CFAP299: variants seen among roughly 807,000 people sequenced by gnomAD.
CFAP299 encodes cilia and flagella associated protein 299.
CFAP299 carries 21 observed loss-of-function variants against 27.0 expected under a neutral mutation model. The observed-to-expected ratio is 0.78, with a 90% confidence interval of 0.55 to 1.12. CFAP299 has a LOEUF of 1.12. Ranked by LOEUF, CFAP299 falls within the 50% of genes most tolerant of loss-of-function variation. CFAP299 has a pLI of 0.00. For missense variants in CFAP299, 310 were observed against 276.6 expected (o/e 1.12, Z -0.86); for synonymous variants, 104 against 98.1 (o/e 1.06, Z -0.36).
intron 4 of CFAP299, among the ~76,000 whole-genome samples, chr4:80,898,556 A>G (rs372765940): frequency 6.6e-6 from 1 of 151,998 alleles, no homozygotes; most frequent in African/African-American, 2.4e-5. Flanking sequence ...ATTTTGGGCC[A>G]TGATATCAGG....
chr4:80,803,922 T>G (rs914607281), intron 3 of CFAP299, among the ~76,000 whole-genome samples: 1 of 151,948 alleles, frequency 6.6e-6, no homozygotes, highest in African/African-American at 2.4e-5. Flanking sequence ...GAACAGAAAT[T>G]TATACCTTAA....
At chr4:80,831,762 TACTACCCA>T (rs992785843) in intron 3 of CFAP299, among the ~76,000 whole-genome samples, 68 of 152,300 alleles carry the variant, frequency 4.5e-4, no homozygotes, top group African/African-American at 1.6e-3. Flanking sequence ...ATACAACTGA[TACTACCCA>T]TTGGGGACAT....
intron 3 of CFAP299, among the ~76,000 whole-genome samples, chr4:80,693,559 G>T (rs528964258): frequency 8.1e-6 from 1 of 123,476 alleles, no homozygotes; most frequent in Non-Finnish European, 1.7e-5. Flanking sequence ...GGGTGGGGGA[G>T]GGGGGAGGGA....
chr4:80,620,310 TGTATAACTTTTTATGG>T (rs1464566530), intron 3 of CFAP299, among the ~76,000 whole-genome samples: 4 of 152,120 alleles, frequency 2.6e-5, no homozygotes, highest in African/African-American at 9.6e-5. Flanking sequence ...CATTATACCA[TGTATAACTTTTTATGG>T]GTAGCAAATC....
At chr4:80,410,535 T>C (rs1393954292) in intron 2 of CFAP299, among the ~76,000 whole-genome samples, 1 of 152,090 alleles carries the variant, frequency 6.6e-6, no homozygotes, top group African/African-American at 2.4e-5. Context: ...GTATCTCTGA[T>C]CTCCTCCTAA....
At chr4:80,788,010 A>G (rs1727343770) in intron 3 of CFAP299, among the ~76,000 whole-genome samples, 2 of 152,058 alleles carry the variant, frequency 1.3e-5, no homozygotes, top group Non-Finnish European at 2.9e-5. Context: ...ACTAAAATAC[A>G]GATTCCTGCG....
intron 2 of CFAP299, among the ~76,000 whole-genome samples, chr4:80,433,476 T>C (rs1727920998): frequency 6.6e-6 from 1 of 152,170 alleles, no homozygotes; most frequent in African/African-American, 2.4e-5. Context: ...AGTTCTGCTT[T>C]TCTCAGTTTC....
intron 3 of CFAP299, among the ~76,000 whole-genome samples, chr4:80,656,139 T>C (rs1015991647): frequency 1.3e-5 from 2 of 152,140 alleles, no homozygotes; most frequent in African/African-American, 4.8e-5. Flanking sequence ...TTTTAAGTCA[T>C]TTAAAAATTG....
chr4:80,799,763 A>ATATATTATATGATATATATATTATATAT (rs1161444528), intron 3 of CFAP299, among the ~76,000 whole-genome samples: 7 of 47,092 alleles, frequency 1.5e-4, no homozygotes, highest in African/African-American at 6.1e-4. Context: ...TAATATATAA[A>ATATATTATATGATATATATATTATATAT]TATATTATAT....
At chr4:80,597,555 C>T (rs2109895497) in intron 3 of CFAP299, among the ~76,000 whole-genome samples, 1 of 152,222 alleles carries the variant, frequency 6.6e-6, no homozygotes, top group East Asian at 1.9e-4. Flanking sequence ...TTAATCTTTT[C>T]CTTTATTGCT....
chr4:80,491,576 G>T (rs1731135235), intron 2 of CFAP299, among the ~76,000 whole-genome samples: 2 of 151,786 alleles, frequency 1.3e-5, no homozygotes, highest in African/African-American at 2.4e-5. Flanking sequence ...TTCACTTTCT[G>T]TTCTCACCAA....
chr4:80,706,674 C>A, intron 3 of CFAP299, among the ~76,000 whole-genome samples: 1 of 151,848 alleles, frequency 6.6e-6, no homozygotes, highest in African/African-American at 2.4e-5. Context: ...ATGTGTGATG[C>A]ATGTTTTAGC....
chr4:80,622,173 T>A (rs958234715), intron 3 of CFAP299, among the ~76,000 whole-genome samples: 4 of 151,386 alleles, frequency 2.6e-5, no homozygotes, highest in African/African-American at 9.8e-5. Flanking sequence ...GAATAATAAT[T>A]TTTCTGATCA....
chr4:80,640,164 G>T (rs1739653203), intron 3 of CFAP299, among the ~76,000 whole-genome samples: 1 of 152,184 alleles, frequency 6.6e-6, no homozygotes, highest in Admixed American at 6.5e-5. Context: ...TAAGTGTGGG[G>T]CTCTTCTGAG....
At chr4:80,539,425 G>A (rs2110196956) in intron 2 of CFAP299, among the ~76,000 whole-genome samples, 1 of 152,272 alleles carries the variant, frequency 6.6e-6, no homozygotes, top group East Asian at 1.9e-4. Context: ...CATTTATTGT[G>A]TTTTTCATGG....
At chr4:80,424,908 C>T (rs1182337980) in intron 2 of CFAP299, among the ~76,000 whole-genome samples, 1 of 152,124 alleles carries the variant, frequency 6.6e-6, no homozygotes, top group Admixed American at 6.5e-5. Context: ...GCCCTGCATA[C>T]TCTTGGGGAG....
intron 3 of CFAP299, among the ~76,000 whole-genome samples, chr4:80,826,085 G>A (rs1430887101): frequency 6.6e-6 from 1 of 151,772 alleles, no homozygotes; most frequent in Non-Finnish European, 1.5e-5. Flanking sequence ...GATAATGAAA[G>A]GAGTGAGGAT....
chr4:80,665,646 A>T (rs1277813380), intron 3 of CFAP299, among the ~76,000 whole-genome samples: 2 of 152,212 alleles, frequency 1.3e-5, no homozygotes, highest in African/African-American at 4.8e-5. Flanking sequence ...GAACAAAAGG[A>T]AAAAACATTG....
At chr4:80,841,222 C>G (rs1388989541) in intron 3 of CFAP299, among the ~76,000 whole-genome samples, 1 of 152,096 alleles carries the variant, frequency 6.6e-6, no homozygotes. Flanking sequence ...CATCATCGTT[C>G]ACTGAGGTAA....
Sources: allele counts gnomAD v4.1 joint callset (sites outside exome capture counted in the v4.1 genomes callset), GRCh38; gene constraint gnomAD v4.1.1; transcripts MANE v1.5; gene names NCBI Gene and HGNC (gene_info 2026-07-23, HGNC 2026-07-21).